The following ADAMTSL3 variants were observed in gnomAD, a reference collection of about 807,000 sequenced individuals.
The protein encoded by ADAMTSL3 is ADAMTS-like protein 3.
A neutral mutation model predicts 201.7 loss-of-function variants in ADAMTSL3; 128 were observed. The observed-to-expected ratio is 0.63, with a 90% CI of 0.55 to 0.73. ADAMTSL3 has a LOEUF of 0.73. Among genes scored for constraint, ADAMTSL3 ranks in the 30% least tolerant of loss-of-function variants. The probability of loss-of-function intolerance (pLI) is 0.00; values close to 1 mark genes in which losing one functional copy is unlikely to be tolerated. For synonymous variants in ADAMTSL3, 738 were observed against 748.4 expected, an observed-to-expected ratio of 0.99 and a Z score of 0.23; for missense variants, 1,990 against 2,119.6, an observed-to-expected ratio of 0.94 and a Z score of 1.20.
chr15:83,777,869 A>G (rs567764939), intron 4 of ADAMTSL3, among the ~76,000 whole-genome samples: 62 of 152,290 alleles, frequency 4.1e-4, no homozygotes, highest in African/African-American at 1.4e-3. Flanking sequence ...GAAGCTAAAA[A>G]CCATTATAAA....
chr15:83,716,322 G>A (rs1345453566), intron 3 of ADAMTSL3, among the ~76,000 whole-genome samples: 2 of 145,846 alleles, frequency 1.4e-5, no homozygotes, highest in East Asian at 4.1e-4. Flanking sequence ...GGCCAACATA[G>A]TGAAACCCTG....
intron 17 of ADAMTSL3, among the ~76,000 whole-genome samples, 184 bp from the exon 18 acceptor site, chr15:83,942,412 G>C (rs1304637411): frequency 6.6e-6 from 1 of 152,138 alleles, no homozygotes; most frequent in Non-Finnish European, 1.5e-5. Flanking sequence ...GACATTTCTT[G>C]CCTTTAAATA....
chr15:83,805,865 A>G (rs2063594814), intron 5 of ADAMTSL3, among the ~76,000 whole-genome samples: 1 of 152,138 alleles, frequency 6.6e-6, no homozygotes, highest in Admixed American at 6.5e-5. Flanking sequence ...TCTCCCCTGT[A>G]AGGTAAGCAG....
intron 6 of ADAMTSL3, among the ~76,000 whole-genome samples, chr15:83,822,198 C>G (rs1438662329): frequency 6.9e-6 from 1 of 144,868 alleles, no homozygotes; most frequent in Non-Finnish European, 1.5e-5. Flanking sequence ...CCCTCCCGGA[C>G]GGGGTGGCTG....
intron 7 of ADAMTSL3, among the ~76,000 whole-genome samples, chr15:83,846,100 C>T (rs533364083): frequency 6.6e-6 from 1 of 152,290 alleles, no homozygotes; most frequent in Admixed American, 6.5e-5. Context: ...CACTGCAACA[C>T]CCGTGGTCAC....
chr15:83,826,164 G>C (rs866190538), intron 6 of ADAMTSL3, among the ~76,000 whole-genome samples: 2 of 152,202 alleles, frequency 1.3e-5, no homozygotes, highest in Middle Eastern at 3.4e-3. Flanking sequence ...GGAGTGTAAT[G>C]GTGTGGTTAC....
At chr15:83,756,704 C>CTA (rs1250843198) in intron 3 of ADAMTSL3, among the ~76,000 whole-genome samples, 1 of 151,304 alleles carries the variant, frequency 6.6e-6, no homozygotes, top group African/African-American at 2.4e-5. Flanking sequence ...AGTCTACAGT[C>CTA]TAAAGTCTTA....
intron 3 of ADAMTSL3, among the ~76,000 whole-genome samples, chr15:83,763,480 G>A (rs998502199): frequency 2.0e-5 from 3 of 148,142 alleles, no homozygotes; most frequent in South Asian, 2.2e-4. Flanking sequence ...TGAAATCTTC[G>A]TATATTTAAA....
chr15:83,755,910 G>A (rs1410857041), intron 3 of ADAMTSL3, among the ~76,000 whole-genome samples: 1 of 152,136 alleles, frequency 6.6e-6, no homozygotes, highest in Admixed American at 6.5e-5. Flanking sequence ...ACAGGCGCCT[G>A]CCACCACATC....
chr15:83,907,232 T>C (rs1480485925), intron 15 of ADAMTSL3, among the ~76,000 whole-genome samples: 1 of 152,224 alleles, frequency 6.6e-6, no homozygotes, highest in East Asian at 1.9e-4. Flanking sequence ...CTACATGAGC[T>C]ATATGAACTT....
chr15:83,871,741 G>T (rs2065084770), intron 9 of ADAMTSL3, among the ~76,000 whole-genome samples: 1 of 152,114 alleles, frequency 6.6e-6, no homozygotes. Flanking sequence ...TATTTCCAAG[G>T]TGACACAGTT....
chr15:83,926,600 A>G (rs1284416496), intron 17 of ADAMTSL3, among the ~76,000 whole-genome samples: 1 of 148,274 alleles, frequency 6.7e-6, no homozygotes, highest in African/African-American at 2.5e-5. Context: ...TATTGTTTAT[A>G]TGACACTAAC....
intron 4 of ADAMTSL3, among the ~76,000 whole-genome samples, chr15:83,801,763 C>G (rs905450429): frequency 1.4e-5 from 2 of 140,350 alleles, no homozygotes; most frequent in African/African-American, 5.2e-5. Context: ...GAGCTCCAGC[C>G]TCAGAATTAT....
At chr15:83,914,616 C>T (rs1444392755) in intron 16 of ADAMTSL3, among the ~76,000 whole-genome samples, 1 of 152,194 alleles carries the variant, frequency 6.6e-6, no homozygotes, top group East Asian at 1.9e-4. Flanking sequence ...TCTTTCTCCC[C>T]TTACTTGCTT....
chr15:83,691,144 C>T (rs1406375265), intron 2 of ADAMTSL3, among the ~76,000 whole-genome samples: 3 of 152,176 alleles, frequency 2.0e-5, no homozygotes, highest in Admixed American at 6.5e-5. Flanking sequence ...CAATGATTCT[C>T]ATGACAAAGG....
intron 2 of ADAMTSL3, among the ~76,000 whole-genome samples, chr15:83,666,495 G>A (rs1392199622): frequency 6.6e-6 from 1 of 152,060 alleles, no homozygotes; most frequent in African/African-American, 2.4e-5. Flanking sequence ...AATACTTTGG[G>A]CCATTTGTAT....
intron 23 of ADAMTSL3, among the ~76,000 whole-genome samples, chr15:83,996,459 C>CCACAAA (rs2067687318): frequency 6.6e-6 from 1 of 152,094 alleles, no homozygotes; most frequent in Non-Finnish European, 1.5e-5. Flanking sequence ...AATAGCTTCT[C>CCACAAA]TGAATCAATA....
intron 7 of ADAMTSL3, among the ~76,000 whole-genome samples, chr15:83,850,456 A>G (rs985804682): frequency 2.7e-5 from 4 of 150,916 alleles, no homozygotes; most frequent in African/African-American, 9.7e-5. Flanking sequence ...ATATATGTGT[A>G]TGTTTATATA....
intron 19 of ADAMTSL3, among the ~76,000 whole-genome samples, chr15:83,967,470 A>G (rs891220907): frequency 6.6e-6 from 1 of 152,210 alleles, no homozygotes; most frequent in Non-Finnish European, 1.5e-5. Flanking sequence ...TACAGCTTAC[A>G]AGGATGTGAA....
Sources: gnomAD v4.1 joint callset for allele counts (sites outside exome capture counted in the v4.1 genomes callset) on GRCh38, gnomAD v4.1.1 for gene constraint, MANE v1.5 for transcripts, NCBI Gene and HGNC (gene_info 2026-07-23, HGNC 2026-07-21) for gene names.